The following KLHDC4 variants were observed in gnomAD, a reference collection of about 807,000 sequenced individuals.
KLHDC4 encodes the protein kelch domain-containing protein 4.
KLHDC4 carries 90 observed loss-of-function variants against 62.4 expected under a neutral mutation model. The ratio of observed to expected loss-of-function variants is 1.44; its 90% confidence interval spans 1.22 to 1.72. KLHDC4 has a LOEUF of 1.72. KLHDC4 is among the 40% of genes most tolerant of loss of function. KLHDC4 has a pLI of 0.00. For synonymous variants in KLHDC4, 386 were observed against 284.4 expected (o/e 1.36, Z -3.59); for missense variants, 1,025 against 699.7 (o/e 1.47, Z -5.25).
rs376690090 is a variant in KLHDC4 at position 87,709,502 on chromosome 16, C to T, written c.1210G>A (p.Ala404Thr). ...TVVTIKQVLT[A>T]PGSAGQPRSE... ...CGGGGCTGCCCCGCCGAGCCTGGCGCGGTGAGCACCTGCTTAATGGTGACC... is the reference window on the plus strand; with the variant it reads ...CGGGGCTGCCCCGCCGAGCCTGGCGTGGTGAGCACCTGCTTAATGGTGACC... Residue 404 changes from alanine to threonine, a missense_variant, in exon 10 of 12, where the codon GCG (alanine) becomes ACG (threonine). By Grantham distance (58) the Ala-to-Thr change is moderately conservative. Transcript: ENST00000270583. The T allele has an allele frequency of 6.0e-5, 97 of 1,612,068 alleles. No homozygotes were observed. The highest frequency in any genetic ancestry group is 3.8e-4 in the East Asian group (17 of 44,874).
intron 4 of KLHDC4, among the ~76,000 whole-genome samples, chr16:87,750,581 C>A (rs370551340): frequency 6.6e-6 from 1 of 152,224 alleles, no homozygotes; most frequent in Admixed American, 6.5e-5. Flanking sequence ...TGGTTCCACA[C>A]AGGGCGCAGA....
chr16:87,762,159 T>G, intron 1 of KLHDC4, 119 bp from the exon 2 acceptor site: 1 of 1,512,456 alleles, frequency 6.6e-7, no homozygotes, highest in Non-Finnish European at 8.8e-7. Flanking sequence ...ATCTGTGAAT[T>G]GCAACATACT....
intron 5 of KLHDC4, among the ~76,000 whole-genome samples, chr16:87,737,493 C>T (rs557086751): frequency 6.4e-4 from 98 of 152,144 alleles, no homozygotes; most frequent in African/African-American, 2.3e-3. Flanking sequence ...AAAGCTGAGG[C>T]AAGAGAATCA....
In KLHDC4 at chr16:87,708,474, A is replaced by G. The variant is rs2035086001; in HGVS notation, c.1448-8T>C. On this transcript the variant is annotated splice_polypyrimidine_tract_variant and splice_region_variant and intron_variant, in intron 10 of 11. Transcript: ENST00000270583. ...CCAGCCACTCCTGAGTTTCTTCAAA[A>G]GCAGAATGAACGCACATACACGTCA... The G allele has an allele frequency of 6.3e-7, 1 of 1,594,944 alleles. No individual in the cohort carries two copies. The highest frequency in any genetic ancestry group is 8.6e-7 in the Non-Finnish European group (1 of 1,168,888).
chr16:87,717,781 A>G (rs190072574), intron 7 of KLHDC4, among the ~76,000 whole-genome samples: 211 of 148,564 alleles, frequency 1.4e-3, no homozygotes, highest in African/African-American at 5.3e-3. Flanking sequence ...ATTTGTCATC[A>G]GAAACTCAAA....
intron 7 of KLHDC4, among the ~76,000 whole-genome samples, chr16:87,723,541 T>A (rs2038821483): frequency 6.6e-6 from 1 of 152,268 alleles, no homozygotes; most frequent in African/African-American, 2.4e-5. Context: ...AGTCAGCCTG[T>A]TCTCAGTGCC....
intron 7 of KLHDC4, among the ~76,000 whole-genome samples, chr16:87,715,516 G>C (rs2036781464): frequency 6.6e-6 from 1 of 152,144 alleles, no homozygotes; most frequent in Non-Finnish European, 1.5e-5. Context: ...GTTTCGTCCT[G>C]TCGCCTCCTC....
intron 2 of KLHDC4, among the ~76,000 whole-genome samples, chr16:87,758,009 G>T (rs1213146859): frequency 6.6e-6 from 1 of 152,158 alleles, no homozygotes; most frequent in African/African-American, 2.4e-5. Context: ...CCTCTAAGAC[G>T]GCGTTCCCCA....
chr16:87,762,246 G>C (rs755430789), intron 1 of KLHDC4: 120 of 1,015,140 alleles, frequency 1.2e-4, no homozygotes, highest in Non-Finnish European at 1.6e-4. Flanking sequence ...TGCTTAAAGG[G>C]TAGATGTGTG....
chr16:87,763,910 A>G (rs1374598543), intron 1 of KLHDC4, among the ~76,000 whole-genome samples: 1 of 152,202 alleles, frequency 6.6e-6, no homozygotes, highest in African/African-American at 2.4e-5. Flanking sequence ...TGGTTGGGGT[A>G]TAGGTAAGAC....
chr16:87,752,239 T>C (rs554904017), intron 4 of KLHDC4, among the ~76,000 whole-genome samples: 1 of 146,350 alleles, frequency 6.8e-6, no homozygotes, highest in South Asian at 2.2e-4. Flanking sequence ...AGACCCGTTC[T>C]CCACAAAAAA....
chr16:87,759,592 CAAA>C (rs1158855268), intron 2 of KLHDC4, among the ~76,000 whole-genome samples: 1 of 151,998 alleles, frequency 6.6e-6, no homozygotes, highest in Non-Finnish European at 1.5e-5. Context: ...ACTAAAAATA[CAAA>C]ATTAGCCGGG....
chr16:87,711,203 C>T, intron 9 of KLHDC4, 32 bp downstream of exon 9: 2 of 1,611,172 alleles, frequency 1.2e-6, no homozygotes, highest in Non-Finnish European at 1.7e-6. Context: ...GGGCTGCGCA[C>T]CACGGCGCAT....
intron 5 of KLHDC4, among the ~76,000 whole-genome samples, chr16:87,741,375 T>C (rs190986094): frequency 1.3e-3 from 201 of 152,280 alleles, no homozygotes; most frequent in African/African-American, 4.4e-3. Flanking sequence ...CCAGCAGGCA[T>C]CAAAGGCTGA....
chr16:87,744,190 G>T (rs2042674102), intron 5 of KLHDC4, among the ~76,000 whole-genome samples: 1 of 151,884 alleles, frequency 6.6e-6, no homozygotes, highest in African/African-American at 2.4e-5. Context: ...CCGAGGTGGG[G>T]GGATCACCTG....
At chr16:87,758,435 A>G (rs2045333788) in intron 2 of KLHDC4, among the ~76,000 whole-genome samples, 1 of 152,236 alleles carries the variant, frequency 6.6e-6, no homozygotes, top group Non-Finnish European at 1.5e-5. Context: ...TACCAGGTGA[A>G]GGAAGTCAGT....
chr16:87,709,562 G>C lies in KLHDC4; in HGVS notation c.1150C>G (p.Leu384Val), dbSNP rs763244460. The change falls in exon 10 of 12, where the codon CTG (leucine) becomes GTG (valine). Residue 384 changes from leucine to valine, a missense_variant. Coordinates refer to ENST00000270583, the MANE Select transcript of KLHDC4 (RefSeq NM_017566.4). The stretch of plus-strand genomic sequence containing the variant: ...TCCTCGGCCACCACCTCCTTGACCA[G>C]CTGCACAGGCCCCTGGGTGCCAGCT... ...GGAGTQGPVQLVKEVVAEDGT... is the reference protein window; with the variant it reads ...GGAGTQGPVQVVKEVVAEDGT... The C allele has an allele frequency of 1.9e-5, 30 of 1,612,850 alleles. No individual in the cohort carries two copies. In the Admixed American group the frequency reaches 4.5e-4, roughly 24 times the overall value.
At position 87,711,208 on chromosome 16, in the gene KLHDC4, G is replaced by A. The variant is rs373864387; in HGVS notation, c.1044+27C>T. 47 of 1,612,090 alleles carry A rather than the reference G, an allele frequency of 2.9e-5. No individual in the cohort carries two copies. The African/African-American group carries it at 3.9e-4, about 13-fold the overall frequency. On this transcript the variant is annotated intron_variant, in intron 9 of 11. Transcript: ENST00000270583. The stretch of plus-strand genomic sequence containing the variant: ...ACCCAAGTTAGGGCTGCGCACCACG[G>A]CGCATGCTACTCAGAGGTTGCACTA...
intron 3 of KLHDC4, 190 bp downstream of exon 3, chr16:87,756,209 C>G (rs1184012557): frequency 3.9e-6 from 2 of 511,978 alleles, no homozygotes; most frequent in South Asian, 2.2e-5. Flanking sequence ...CCCAGGACCA[C>G]TGAAGTCATC....
Sources: allele counts gnomAD v4.1 joint callset (sites outside exome capture counted in the v4.1 genomes callset), GRCh38; gene constraint gnomAD v4.1.1; transcripts MANE v1.5; gene names NCBI Gene and HGNC (gene_info 2026-07-23, HGNC 2026-07-21).